PCDHGA2: variants seen among roughly 807,000 people sequenced by gnomAD.
PCDHGA2 encodes the protein protocadherin gamma subfamily A, 2.
In PCDHGA2, 40 loss-of-function variants were observed where a neutral mutation model predicts 59.2. The observed-to-expected ratio is 0.68, with a 90% CI of 0.52 to 0.88. PCDHGA2 has a LOEUF of 0.88. PCDHGA2 is among the 40% of genes least tolerant of loss of function. The probability of loss-of-function intolerance (pLI) is 0.00; values close to 1 mark genes in which losing one functional copy is unlikely to be tolerated. For synonymous variants in PCDHGA2, 560 were observed against 526.0 expected (o/e 1.06, Z -0.89); for missense variants, 1,226 against 1,204.0 (o/e 1.02, Z -0.27).
Position 141,476,782 on chromosome 5 carries a change from A to T in PCDHGA2, c.2425-18025A>T. On this transcript the variant is annotated intron_variant, in intron 1 of 3. Coordinates refer to ENST00000394576, the MANE Select transcript of PCDHGA2 (RefSeq NM_018915.4). The surrounding 1 kb of genome is among the most constrained non-coding windows in gnomAD (Gnocchi z 7.6). ...TGACGGCGTTGGACGGAGGGACCCCAGCTCTCTCCGCCAGCCTGCCTATTC... is the reference window on the plus strand; with the variant it reads ...TGACGGCGTTGGACGGAGGGACCCCTGCTCTCTCCGCCAGCCTGCCTATTC... 6.2e-7 allele frequency: 1 copy of T among 1,613,568 alleles called. No individual in the cohort carries two copies. The highest frequency in any genetic ancestry group is 8.5e-7 in the Non-Finnish European group (1 of 1,179,996).
At chr5:141,465,747 A>G (rs2099108470) in intron 1 of PCDHGA2, among the ~76,000 whole-genome samples, 2 of 151,126 alleles carry the variant, frequency 1.3e-5, no homozygotes, top group African/African-American at 4.9e-5. Flanking sequence ...TCAGGATCAG[A>G]CTGGTAAAGT....
rs564486909 is a variant in PCDHGA2, at chr5:141,428,072, G to C, written c.2425-66735G>C. ...AGGTGGTGGCGGTGGACGCAGATTC[G>C]GGACACAACGCTTGGCTGTCCTACC... is the stretch of plus-strand genomic sequence containing the variant. On this transcript the variant is annotated intron_variant, in intron 1 of 3. Transcript: ENST00000394576. 5 of 1,609,080 alleles carry C rather than the reference G, an allele frequency of 3.1e-6. 1 individual carries two copies. The South Asian group carries it at 5.5e-5, about 18-fold the overall frequency.
intron 3 of PCDHGA2, chr5:141,508,338 A>T (rs1245526252): frequency 1.3e-5 from 2 of 152,224 alleles, no homozygotes; most frequent in Non-Finnish European, 2.9e-5. Flanking sequence ...AACTGACTCT[A>T]CAGAAAGTCA....
chr5:141,395,152 T>C (rs1324313583), intron 1 of PCDHGA2: 1 of 1,614,196 alleles, frequency 6.2e-7, no homozygotes, highest in African/African-American at 1.3e-5. Context: ...GACATGCTCA[T>C]CAGTCAGGAG....
In PCDHGA2 at chr5:141,477,868, C is replaced by A; in HGVS notation, c.2425-16939C>A. The A allele has an allele frequency of 6.2e-7, 1 of 1,613,750 alleles. No homozygotes were observed. Among genetic ancestry groups the A allele is most frequent in the Non-Finnish European group, 8.5e-7 (1 of 1,179,908 alleles). ...CGGTGGAGATGCTGCCTCGAGGTAC[C>A]TCAGCTGGCCACCTAGTGTCACGGG... On this transcript the variant is annotated intron_variant, in intron 1 of 3. Coordinates refer to ENST00000394576, the MANE Select transcript of PCDHGA2 (RefSeq NM_018915.4). The surrounding 1 kb of genome is among the most constrained non-coding windows in gnomAD (Gnocchi z 4.9).
intron 1 of PCDHGA2, chr5:141,403,954 C>A: frequency 6.2e-7 from 1 of 1,613,800 alleles, no homozygotes; most frequent in Non-Finnish European, 8.5e-7. Flanking sequence ...CAAAAGTGCT[C>A]ATTTCGGTGG....
Position 141,489,195 on chromosome 5 carries a change from A to G in PCDHGA2, c.2425-5612A>G, listed in dbSNP as rs200660227. ...ATTCCAAGCCCTGGGTCTACCTTGG[A>G]GACAGGACAGCACAGACTTACTCTC... is the stretch of plus-strand genomic sequence containing the variant. On this transcript the variant is annotated intron_variant, in intron 1 of 3. Transcript: ENST00000394576. This position sits in a 1 kb window ranked among gnomAD's most constrained non-coding sequence, Gnocchi z 4.5. 1.8e-5 allele frequency: 25 copies of G among 1,383,116 alleles called. No individual in the cohort carries two copies. The East Asian group carries it at 4.8e-4, about 27-fold the overall frequency. 85.7% of individuals were successfully genotyped at this position (1,383,116 alleles called of 1,614,324 possible). A position where few individuals can be genotyped will look rare whatever the true frequency, so the allele number is the denominator to read the frequency against.
intron 1 of PCDHGA2, chr5:141,418,363 C>T (rs147423305): frequency 4.4e-4 from 703 of 1,613,984 alleles, no homozygotes; most frequent in Non-Finnish European, 5.5e-4. Flanking sequence ...ATTCGCTGAG[C>T]AAATACCAAC....
Position 141,486,282 on chromosome 5 carries a change from C to G in PCDHGA2, c.2425-8525C>G. On this transcript the variant is annotated intron_variant, in intron 1 of 3. Transcript: ENST00000394576. This position sits in a 1 kb window ranked among gnomAD's most constrained non-coding sequence, Gnocchi z 5.0. ...AGTGCAGAACCTGGCACTGTGGTGG[C>G]ACTTATCAGTGTGCAGGATCCAGAC... The G allele has an allele frequency of 1.2e-6, 2 of 1,614,052 alleles. No homozygotes were observed. The highest frequency in any genetic ancestry group is 1.7e-6 in the Non-Finnish European group (2 of 1,179,992).
chr5:141,373,916 A>C (rs1769959777), intron 1 of PCDHGA2: 2 of 648,756 alleles, frequency 3.1e-6, no homozygotes, highest in African/African-American at 3.7e-5. Flanking sequence ...ACAACAAAGC[A>C]AATTAGACGG....
At chr5:141,375,105 A>C (rs371346343) in intron 1 of PCDHGA2, 14 of 1,613,840 alleles carry the variant, frequency 8.7e-6, no homozygotes, top group African/African-American at 2.7e-5. Context: ...TTGGATGTCA[A>C]TGATAATGTA....
chr5:141,466,206 T>C (rs2099118813), intron 1 of PCDHGA2, among the ~76,000 whole-genome samples: 1 of 152,126 alleles, frequency 6.6e-6, no homozygotes, highest in Admixed American at 6.5e-5. Flanking sequence ...AGCCTTGCTC[T>C]GTTACCCAGG....
rs542113846 is a variant in PCDHGA2 at position 141,433,037 on chromosome 5, A to G, written c.2425-61770A>G. ...GACCTATTCCCACGAGGTTTCCCTCACCACGGACTCGCGGAAGAGTCACCT... is the reference window on the plus strand; with the variant it reads ...GACCTATTCCCACGAGGTTTCCCTCGCCACGGACTCGCGGAAGAGTCACCT... On this transcript the variant is annotated intron_variant, in intron 1 of 3. Coordinates refer to ENST00000394576, the MANE Select transcript of PCDHGA2 (RefSeq NM_018915.4). 249 of 1,614,172 alleles carry G rather than the reference A, an allele frequency of 1.5e-4. 6 individuals are homozygous for G. The South Asian group carries it at 2.5e-3, about 16-fold the overall frequency.
chr5:141,372,010 C>T (rs965282099), intron 1 of PCDHGA2: 7 of 1,613,262 alleles, frequency 4.3e-6, no homozygotes, highest in Non-Finnish European at 5.1e-6. Context: ...GACCAGGGCT[C>T]GCCTACGCTC....
chr5:141,442,650 G>A (rs192694987), intron 1 of PCDHGA2, among the ~76,000 whole-genome samples: 83 of 152,350 alleles, frequency 5.4e-4, no homozygotes, highest in Admixed American at 9.1e-4. Flanking sequence ...CCTAAGATGA[G>A]AAATATTTGG....
intron 1 of PCDHGA2, chr5:141,422,992 G>A: frequency 6.2e-7 from 1 of 1,614,238 alleles, no homozygotes; most frequent in Non-Finnish European, 8.5e-7. Flanking sequence ...TGGCTACCTG[G>A]TGACCAAGGT....
At chr5:141,500,475 C>T (rs1193752670) in intron 2 of PCDHGA2, among the ~76,000 whole-genome samples, 1 of 152,024 alleles carries the variant, frequency 6.6e-6, no homozygotes, top group African/African-American at 2.4e-5. Flanking sequence ...TCCCAAAGTG[C>T]TGGGATTACA....
chr5:141,374,973 T>C (rs1770996442), intron 1 of PCDHGA2: 1 of 1,614,028 alleles, frequency 6.2e-7, no homozygotes, highest in Non-Finnish European at 8.5e-7. Flanking sequence ...TTGAATGTTT[T>C]GACTGGAGAA....
At chr5:141,478,088 A>G (rs2099429877) in intron 1 of PCDHGA2, 2 of 1,613,944 alleles carry the variant, frequency 1.2e-6, no homozygotes, top group African/African-American at 1.3e-5. Context: ...TTCGCTCTCC[A>G]CCACTGCTAC....
Sources: gnomAD v4.1 joint callset for allele counts (sites outside exome capture counted in the v4.1 genomes callset) on GRCh38, gnomAD v4.1.1 for gene constraint, Gnocchi (gnomAD v3.1) non-coding constraint, MANE v1.5 for transcripts, NCBI Gene and HGNC (gene_info 2026-07-23, HGNC 2026-07-21) for gene names.